The following MSI1 variants were observed in gnomAD, a reference collection of about 807,000 sequenced individuals.
MSI1 encodes musashi RNA binding protein 1.
In MSI1, 15 loss-of-function variants were observed where a neutral mutation model predicts 54.4. The ratio of observed to expected loss-of-function variants is 0.28; its 90% CI spans 0.18 to 0.42. The LOEUF (loss-of-function observed/expected upper bound fraction) is 0.42. MSI1 is among the 20% of genes least tolerant of loss of function. MSI1 has a pLI of 1.00. For missense variants in MSI1, 304 were observed against 506.0 expected (o/e 0.60, Z 3.83); for synonymous variants, 200 against 196.5 (o/e 1.02, Z -0.15).
At position 120,342,428 on chromosome 12, in the gene MSI1, C is replaced by T. The variant is rs1400717924; in HGVS notation, c.*699G>A. 6.6e-6 allele frequency: 1 copy of T among 152,318 alleles called. No homozygotes were observed. The highest frequency in any genetic ancestry group is 1.5e-5 in the Non-Finnish European group (1 of 68,018). 9.4% of individuals were successfully genotyped at this position (152,318 alleles called of 1,614,324 possible). ...GTCTTAGAGAGGGGTGGGCACATCACCTCACAGTATTTACATATGATACAG... is the reference window on the plus strand; with the variant it reads ...GTCTTAGAGAGGGGTGGGCACATCATCTCACAGTATTTACATATGATACAG... On this transcript the variant is annotated 3_prime_UTR_variant, in exon 15 of 15. Coordinates refer to ENST00000257552, the MANE Select transcript of MSI1 (RefSeq NM_002442.4).
At chr12:120,347,556 G>A (rs778355312) in intron 11 of MSI1, 42 bp from the exon 12 acceptor site, 1 of 1,611,466 alleles carries the variant, frequency 6.2e-7, no homozygotes, top group Non-Finnish European at 8.5e-7. Flanking sequence ...GCGGTGAGGG[G>A]CAGAGATGGG....
At chr12:120,351,930 G>T (rs1263610508) in intron 10 of MSI1, among the ~76,000 whole-genome samples, 27 of 149,926 alleles carry the variant, frequency 1.8e-4, no homozygotes, top group African/African-American at 6.1e-4. Context: ...GGATGGTCTC[G>T]ATCTCCTGAC....
At chr12:120,357,044 C>G (rs1875195613) in intron 8 of MSI1, 25 bp from the exon 9 acceptor site, 1 of 1,598,938 alleles carries the variant, frequency 6.3e-7, no homozygotes, top group Non-Finnish European at 8.6e-7. Flanking sequence ...GGCGGTTAGT[C>G]TTTCCCACAG....
chr12:120,347,372 C>G (rs979871442), intron 12 of MSI1, 74 bp downstream of exon 12: 132 of 1,538,910 alleles, frequency 8.6e-5, no homozygotes, highest in Non-Finnish European at 1.1e-4. Flanking sequence ...GTGGCAGTGG[C>G]CTTCTCCCCT....
At chr12:120,345,953 ATAAC>A (rs2136896507) in intron 13 of MSI1, among the ~76,000 whole-genome samples, 178 bp downstream of exon 13, 2 of 152,328 alleles carry the variant, frequency 1.3e-5, no homozygotes, top group African/African-American at 4.8e-5. Flanking sequence ...TTCAGAGGCG[ATAAC>A]TAAGTGCCCA....
intron 14 of MSI1, among the ~76,000 whole-genome samples, chr12:120,344,917 G>A (rs1451767902): frequency 6.7e-6 from 1 of 149,852 alleles, no homozygotes; most frequent in Non-Finnish European, 1.5e-5. Flanking sequence ...TCGGGAGGCT[G>A]AGACACGAGA....
intron 10 of MSI1, among the ~76,000 whole-genome samples, chr12:120,351,943 C>T (rs975853913): frequency 3.4e-4 from 51 of 150,376 alleles, no homozygotes; most frequent in African/African-American, 1.1e-3. Flanking sequence ...CTCCTGACCT[C>T]GTGATCCGCC....
chr12:120,362,999 T>C (rs372529681), intron 6 of MSI1, 44 bp downstream of exon 6: 4 of 1,516,684 alleles, frequency 2.6e-6, no homozygotes, highest in Non-Finnish European at 3.7e-6. Context: ...CATTCTACAG[T>C]GTGTTCACAG....
At chr12:120,355,334 G>T (rs1235926142) in intron 9 of MSI1, among the ~76,000 whole-genome samples, 1 of 150,412 alleles carries the variant, frequency 6.6e-6, no homozygotes, top group East Asian at 1.9e-4. Context: ...GAACCCAGGA[G>T]GCGGAGCTTC....
At chr12:120,354,575 G>A (rs1874916883) in intron 9 of MSI1, among the ~76,000 whole-genome samples, 1 of 152,128 alleles carries the variant, frequency 6.6e-6, no homozygotes, top group Non-Finnish European at 1.5e-5. Context: ...GGGAATAAAG[G>A]CATGTGCCAC....
chr12:120,351,272 C>G, intron 11 of MSI1, 72 bp downstream of exon 11: 4 of 1,402,906 alleles, frequency 2.9e-6, no homozygotes, highest in Non-Finnish European at 4.0e-6. Flanking sequence ...TAGCTTTCCC[C>G]AGGAAACTCC....
intron 4 of MSI1, among the ~76,000 whole-genome samples, chr12:120,366,422 T>G (rs1156721113): frequency 6.6e-6 from 1 of 152,134 alleles, no homozygotes; most frequent in African/African-American, 2.4e-5. Flanking sequence ...TTCTCCCGCC[T>G]GAAGTTTCAA....
At chr12:120,344,158 G>T (rs1337340155) in intron 14 of MSI1, among the ~76,000 whole-genome samples, 1 of 152,110 alleles carries the variant, frequency 6.6e-6, no homozygotes, top group African/African-American at 2.4e-5. Flanking sequence ...GCCCGGCCAA[G>T]GTATCCTGTT....
chr12:120,357,493 T>C (rs1426557142), intron 8 of MSI1, among the ~76,000 whole-genome samples: 2 of 152,034 alleles, frequency 1.3e-5, no homozygotes, highest in African/African-American at 2.4e-5. Flanking sequence ...CAACTCACCA[T>C]GTTTTTGTTT....
chr12:120,340,089 C>CTTTTTTTTTTT (rs11399604), downstream of MSI1, among the ~76,000 whole-genome samples: 3 of 144,732 alleles, frequency 2.1e-5, no homozygotes, highest in African/African-American at 2.6e-5. Flanking sequence ...GCCAAAATAG[C>CTTTTTTTTTTT]TTTTTTTTTT....
At chr12:120,366,552 C>T (rs1224787322) in intron 4 of MSI1, among the ~76,000 whole-genome samples, 3 of 152,162 alleles carry the variant, frequency 2.0e-5, no homozygotes, top group Non-Finnish European at 4.4e-5. Context: ...GTACCCAAGC[C>T]ACGATCCCAC....
chr12:120,364,563 G>A lies in MSI1; in HGVS notation c.309+151C>T, dbSNP rs1875900443. On this transcript the variant is annotated intron_variant, in intron 5 of 14. Transcript: ENST00000257552. ...TGTCTTCAGGCCACAGAGCAAGGACGTCAAGAATCCCCTCTTCCCAGCCCA... is the reference window on the plus strand; with the variant it reads ...TGTCTTCAGGCCACAGAGCAAGGACATCAAGAATCCCCTCTTCCCAGCCCA... 1.0e-5 allele frequency: 7 copies of A among 700,608 alleles called. No individual in the cohort carries two copies. In the South Asian group the frequency reaches 1.1e-4, roughly 11 times the overall value. The allele number at this position is 700,608 out of a possible 1,614,324, so 43.4% of individuals were successfully genotyped here.
At chr12:120,347,768 G>A (rs1443852428) in intron 11 of MSI1, among the ~76,000 whole-genome samples, 1 of 152,192 alleles carries the variant, frequency 6.6e-6, no homozygotes. Context: ...CCCTGGTCTG[G>A]GGGGACATGC....
chr12:120,350,772 G>T lies in MSI1; in HGVS notation c.790+572C>A, dbSNP rs532181070. On this transcript the variant is annotated intron_variant, in intron 11 of 14. Transcript: ENST00000257552. ...CCACTTGTCCAGAAGTCACCAAAGG[G>T]CTGGATTCGGCCCTTGGCAATATTT... 2.6e-5 allele frequency among the ~76,000 whole-genome samples: 4 copies of T among 152,356 alleles called. No individual in the cohort carries two copies. The South Asian group carries it at 8.3e-4, about 32-fold the overall frequency.
Sources: allele counts gnomAD v4.1 joint callset (sites outside exome capture counted in the v4.1 genomes callset), GRCh38; gene constraint gnomAD v4.1.1; transcripts MANE v1.5; gene names NCBI Gene and HGNC (gene_info 2026-07-23, HGNC 2026-07-21).